Variants in TLNRD1 observed in about 807,000 individuals in gnomAD.
TLNRD1 encodes talin rod domain-containing protein 1.
Under a neutral mutation model 19.5 loss-of-function variants are expected in TLNRD1, and 14 were observed. The observed-to-expected ratio is 0.72, with a 90% CI of 0.47 to 1.12. The LOEUF is 1.12. TLNRD1 is among the 50% of genes most tolerant of loss of function. The pLI is 0.00. For synonymous variants in TLNRD1, 345 were observed against 261.7 expected, an observed-to-expected ratio of 1.32 and a Z score of -3.07; for missense variants, 569 against 531.9, an observed-to-expected ratio of 1.07 and a Z score of -0.69.
rs562779016 is a variant in TLNRD1 at position 81,004,320 on chromosome 15, C to G, written c.*960C>G. The G allele has an allele frequency of 6.0e-6, 1 of 167,104 alleles. No homozygotes were observed. Among genetic ancestry groups the G allele is most frequent in the African/African-American group, 2.4e-5 (1 of 41,450 alleles). The allele number at this position is 167,104 out of a possible 1,614,324, so 10.4% of individuals were successfully genotyped here. A position where few individuals can be genotyped will look rare whatever the true frequency, so the allele number is the denominator to read the frequency against. On this transcript the variant is annotated 3_prime_UTR_variant, in exon 1 of 1. Coordinates refer to ENST00000267984, the MANE Select transcript of TLNRD1 (RefSeq NM_022566.3). ...AAAGTGATTTAGCTCCCTTTGTCTC[C>G]ACTTACCTTTCCATCATCATGAACA...
At position 81,002,970 on chromosome 15, in the gene TLNRD1, C is replaced by T. The variant is rs766996418; in HGVS notation, c.699C>T (p.Arg233=). 2 of 1,583,910 alleles carry T rather than the reference C, an allele frequency of 1.3e-6. No individual in the cohort carries two copies. Among genetic ancestry groups the T allele is most frequent in the South Asian group, 1.1e-5 (1 of 89,330 alleles). Residue 233 remains arginine, a synonymous_variant, in exon 1 of 1, where the codon CGC becomes CGT. Transcript: ENST00000267984. ...TSASALLACV[R]EVKVAPSELA... The stretch of plus-strand genomic sequence containing the variant: ...CGTCGGCGCTGCTGGCCTGCGTGCG[C>T]GAGGTGAAGGTGGCGCCCAGTGAGC...
chr15:81,003,114 CA>C lies in TLNRD1; in HGVS notation c.845del (p.Lys282ArgfsTer12). The C allele has an allele frequency of 6.4e-7, 1 of 1,559,416 alleles. No homozygotes were observed. ...GRAAAVSAEG[K>X]AVQTAILGGA... ...GCGCGGCAGCTGTGAGCGCCGAGGG[CA>C]AGGCGGTGCAGACCGCCATCCTGGG... On this transcript the variant is annotated frameshift_variant, in exon 1 of 1. Transcript: ENST00000267984. LOFTEE classifies it high-confidence loss of function.
In TLNRD1 at chr15:81,003,049, G is replaced by A. The variant is rs773774702; in HGVS notation, c.778G>A (p.Ala260Thr). The A allele has an allele frequency of 5.2e-6, 8 of 1,547,152 alleles. No homozygotes were observed. Among genetic ancestry groups the A allele is most frequent in the Non-Finnish European group, 6.1e-6 (7 of 1,152,596 alleles). ...CGGGCCCCTGGTGCAGGCAGTGAGC[G>A]CCCTGGTAGGCTTCGCCACCGAGCC... The part of the protein sequence containing the change: ...FSGPLVQAVS[A>T]LVGFATEPQF... Residue 260 changes from alanine to threonine, a missense_variant, in exon 1 of 1, where the codon GCC (alanine) becomes ACC (threonine). Ala to Thr is a moderately conservative substitution (Grantham distance 58). Transcript: ENST00000267984.
chr15:81,003,612 T>C lies in TLNRD1; in HGVS notation c.*252T>C, dbSNP rs904325633. On this transcript the variant is annotated 3_prime_UTR_variant, in exon 1 of 1. Transcript: ENST00000267984. The stretch of plus-strand genomic sequence containing the variant: ...GATATGTCATCTGCTGGTTGTGTTA[T>C]CACTCCCACCCCCTACCCCAGCCCG... 14 of 431,772 alleles carry C rather than the reference T, an allele frequency of 3.2e-5. No homozygotes were observed. The highest frequency in any genetic ancestry group is 4.7e-5 in the Non-Finnish European group (11 of 236,410). The allele number at this position is 431,772 out of a possible 1,614,324, so 26.7% of individuals were successfully genotyped here. A position where few individuals can be genotyped will look rare whatever the true frequency, so the allele number is the denominator to read the frequency against.
In TLNRD1 at chr15:81,002,642, A is replaced by G; in HGVS notation, c.371A>G (p.Glu124Gly). The change falls in exon 1 of 1, where the codon GAG becomes GGG. Residue 124 changes from glutamate (E) to glycine (G), a missense_variant. Glu to Gly is a moderately conservative substitution (Grantham distance 98, BLOSUM62 -2). Transcript: ENST00000267984. ...ELGDLVVSLT[E>G]CSAHAAYLAA... ...GGCGACCTGGTGGTGTCGCTGACCG[A>G]GTGCTCGGCCCACGCGGCCTATCTG... is the stretch of plus-strand genomic sequence containing the variant. 6.7e-7 allele frequency: 1 copy of G among 1,486,906 alleles called. No homozygotes were observed. The highest frequency in any genetic ancestry group is 8.8e-7 in the Non-Finnish European group (1 of 1,130,246). 92.1% of individuals were successfully genotyped at this position (1,486,906 alleles called of 1,614,324 possible). A position where few individuals can be genotyped will look rare whatever the true frequency, so the allele number is the denominator to read the frequency against.
At position 81,002,418 on chromosome 15, in the gene TLNRD1, CCTG is replaced by C. The variant is rs770162172; in HGVS notation, c.157_159del (p.Leu53del). The C allele has an allele frequency of 9.0e-6, 14 of 1,555,222 alleles. No individual in the cohort carries two copies. Among genetic ancestry groups the C allele is most frequent in the Admixed American group, 3.6e-5 (2 of 55,656 alleles). ...AGGGCAAGATGCAGCTGGTGGCTGA[CCTG>C]CTGCTGCTGTCGAGCGAGGCGCGGC... On this transcript the variant is annotated inframe_deletion, in exon 1 of 1. Transcript: ENST00000267984.
At position 81,005,625 on chromosome 15, in the gene TLNRD1, C is replaced by T. The variant is rs1376334879; in HGVS notation, c.*2265C>T. 1.2e-5 allele frequency: 2 copies of T among 167,000 alleles called. No homozygotes were observed. The highest frequency in any genetic ancestry group is 6.5e-5 in the Admixed American group (1 of 15,284). The allele number at this position is 167,000 out of a possible 1,614,324, so 10.3% of individuals were successfully genotyped here. On this transcript the variant is annotated 3_prime_UTR_variant, in exon 1 of 1. Transcript: ENST00000267984. The stretch of plus-strand genomic sequence containing the variant: ...AAGCCAATTAAAAAAAAGAAAATCA[C>T]TTTCCCTATCTGTTTGGATGAAGTT...
In TLNRD1 at chr15:81,003,075, G is replaced by A. The variant is rs958499992; in HGVS notation, c.804G>A (p.Pro268=). 2 of 1,549,686 alleles carry A rather than the reference G, an allele frequency of 1.3e-6. No homozygotes were observed. The highest frequency in any genetic ancestry group is 1.7e-6 in the Non-Finnish European group (2 of 1,152,788). ...CCCTGGTAGGCTTCGCCACCGAGCC[G>A]CAGTTCCTGGGTCGCGCGGCAGCTG... ...VSALVGFATE[P]QFLGRAAAVS... is the part of the protein sequence containing the mutation. Residue 268 remains proline (P), a synonymous_variant, in exon 1 of 1, where the codon CCG becomes CCA. Transcript: ENST00000267984.
Position 81,005,534 on chromosome 15 carries a change from A to AG in TLNRD1, c.*2175dup, listed in dbSNP as rs1893479186. ...AATCTGTAAATTTGGTATTAGATTA[A>AG]GAAAAAAAGAATTGCCAGTTTTTTC... On this transcript the variant is annotated 3_prime_UTR_variant, in exon 1 of 1. Transcript: ENST00000267984. 1 of 167,102 alleles carries AG rather than the reference A, an allele frequency of 6.0e-6. No individual in the cohort carries two copies. Among genetic ancestry groups the AG allele is most frequent in the South Asian group, 2.1e-4 (1 of 4,834 alleles). The allele number at this position is 167,102 out of a possible 1,614,324, so 10.4% of individuals were successfully genotyped here.
Position 81,003,085 on chromosome 15 carries a change from G to A in TLNRD1, c.814G>A (p.Gly272Ser), listed in dbSNP as rs543954880. 2 of 1,551,628 alleles carry A rather than the reference G, an allele frequency of 1.3e-6. No individual in the cohort carries two copies. Among genetic ancestry groups the A allele is most frequent in the Non-Finnish European group, 8.7e-7 (1 of 1,153,178 alleles). ...VGFATEPQFL[G>S]RAAAVSAEGK... is the part of the protein sequence containing the mutation. ...CTTCGCCACCGAGCCGCAGTTCCTG[G>A]GTCGCGCGGCAGCTGTGAGCGCCGA... Residue 272 changes from glycine to serine, a missense_variant, in exon 1 of 1, where the codon GGT becomes AGT. Transcript: ENST00000267984.
chr15:81,004,809 G>C lies in TLNRD1; in HGVS notation c.*1449G>C, dbSNP rs1479386691. 2 of 167,042 alleles carry C rather than the reference G, an allele frequency of 1.2e-5. No individual in the cohort carries two copies. The highest frequency in any genetic ancestry group is 2.4e-5 in the African/African-American group (1 of 41,434). The allele number at this position is 167,042 out of a possible 1,614,324, so 10.3% of individuals were successfully genotyped here. On this transcript the variant is annotated 3_prime_UTR_variant, in exon 1 of 1. Coordinates refer to ENST00000267984, the MANE Select transcript of TLNRD1 (RefSeq NM_022566.3). The stretch of plus-strand genomic sequence containing the variant: ...GGAGTGTATAGTTTTGTTGAACCTA[G>C]TTAAATTCTGAATATCTTCCCACTA...
chr15:81,003,626 T>G lies in TLNRD1; in HGVS notation c.*266T>G. The G allele has an allele frequency of 6.4e-5, 23 of 359,248 alleles. No homozygotes were observed. The highest frequency in any genetic ancestry group is 1.2e-4 in the South Asian group (1 of 8,612). 22.3% of individuals were successfully genotyped at this position (359,248 alleles called of 1,614,324 possible). On this transcript the variant is annotated 3_prime_UTR_variant, in exon 1 of 1. Transcript: ENST00000267984. The stretch of plus-strand genomic sequence containing the variant: ...TGGTTGTGTTATCACTCCCACCCCC[T>G]ACCCCAGCCCGTCTTCCGGAATTTC...
At position 81,003,600 on chromosome 15, in the gene TLNRD1, C is replaced by T. The variant is rs1012869669; in HGVS notation, c.*240C>T. Reference sequence around the variant, plus strand: ...TAGGGACTGGAAGATATGTCATCTGCTGGTTGTGTTATCACTCCCACCCCC... The same window carrying T: ...TAGGGACTGGAAGATATGTCATCTGTTGGTTGTGTTATCACTCCCACCCCC... On this transcript the variant is annotated 3_prime_UTR_variant, in exon 1 of 1. Transcript: ENST00000267984. 3 of 449,996 alleles carry T rather than the reference C, an allele frequency of 6.7e-6. No individual in the cohort carries two copies. Among genetic ancestry groups the T allele is most frequent in the African/African-American group, 6.1e-5 (3 of 49,218 alleles). The allele number at this position is 449,996 out of a possible 1,614,324, so 27.9% of individuals were successfully genotyped here.
At position 81,002,855 on chromosome 15, in the gene TLNRD1, C is replaced by T. The variant is rs756726952; in HGVS notation, c.584C>T (p.Thr195Met). The T allele has an allele frequency of 1.9e-6, 3 of 1,595,592 alleles. 1 individual carries two copies. Among genetic ancestry groups the T allele is most frequent in the Non-Finnish European group, 2.5e-6 (3 of 1,178,176 alleles). ...CTGTCGCGCAACCTCAAGTTCCTGA[C>T]GGACGCGTGCGCCCTGGCCAGTGAC... ...QGLSRNLKFL[T>M]DACALASDKS... Residue 195 changes from threonine to methionine, a missense_variant, in exon 1 of 1, where the codon ACG (threonine) becomes ATG (methionine). Transcript: ENST00000267984.
rs1047223697 is a variant in TLNRD1, at chr15:81,001,384, G to T, written c.-888G>T. 7.3e-5 allele frequency: 11 copies of T among 151,008 alleles called. No individual in the cohort carries two copies. Among genetic ancestry groups the T allele is most frequent in the African/African-American group, 2.7e-4 (11 of 41,180 alleles). The allele number at this position is 151,008 out of a possible 1,614,324, so 9.4% of individuals were successfully genotyped here. ...GGCGCGCGGTCTGGGAGGGCGTGCC[G>T]CCGCGGCGCCGGGCCGCGCTCTGTG... On this transcript the variant is annotated 5_prime_UTR_variant, in exon 1 of 1. Transcript: ENST00000267984.
chr15:81,003,108 C>T lies in TLNRD1; in HGVS notation c.837C>T (p.Ala279=), dbSNP rs1335081851. 5.8e-6 allele frequency: 9 copies of T among 1,558,540 alleles called. No homozygotes were observed. The highest frequency in any genetic ancestry group is 1.2e-5 in the South Asian group (1 of 85,812). The change falls in exon 1 of 1, where the codon GCC becomes GCT. Residue 279 remains alanine, a synonymous_variant. Transcript: ENST00000267984. ...QFLGRAAAVS[A]EGKAVQTAIL... is the part of the protein sequence containing the mutation. ...TGGGTCGCGCGGCAGCTGTGAGCGC[C>T]GAGGGCAAGGCGGTGCAGACCGCCA...
rs1382152665 is a variant in TLNRD1 at position 81,003,296 on chromosome 15, A to T, written c.1025A>T (p.Gln342Leu). 3 of 1,608,600 alleles carry T rather than the reference A, an allele frequency of 1.9e-6. No homozygotes were observed. The change falls in exon 1 of 1, where the codon CAG becomes CTG. Residue 342 changes from glutamine (Q) to leucine (L), a missense_variant. By Grantham distance (113) the Gln-to-Leu change is moderately radical (BLOSUM62 -2). Transcript: ENST00000267984. ...TCTGAAGGCTGCACCCTGCTATCTCAGGCTTTAAGGGAGAGGTCTTCGCCC... is the reference window on the plus strand; with the variant it reads ...TCTGAAGGCTGCACCCTGCTATCTCTGGCTTTAAGGGAGAGGTCTTCGCCC... ...AVSEGCTLLS[Q>L]ALRERSSPRT...
rs1893407878 is a variant in TLNRD1, at chr15:81,001,510, A to G, written c.-762A>G. On this transcript the variant is annotated 5_prime_UTR_variant, in exon 1 of 1. Transcript: ENST00000267984. ...GCGATCCGGGCGGCCGCTGTGCGCA[A>G]TCAGTGCAGGCTCCCGCCCGACTCT... is the stretch of plus-strand genomic sequence containing the variant. 1.3e-5 allele frequency: 2 copies of G among 151,530 alleles called. No homozygotes were observed. Among genetic ancestry groups the G allele is most frequent in the African/African-American group, 4.8e-5 (2 of 41,362 alleles). The allele number at this position is 151,530 out of a possible 1,614,324, so 9.4% of individuals were successfully genotyped here.
At position 81,002,897 on chromosome 15, in the gene TLNRD1, T is replaced by A; in HGVS notation, c.626T>A (p.Phe209Tyr). The A allele has an allele frequency of 2.5e-6, 4 of 1,597,352 alleles. No homozygotes were observed. The highest frequency in any genetic ancestry group is 3.4e-6 in the Non-Finnish European group (4 of 1,178,860). Residue 209 changes from phenylalanine (F) to tyrosine (Y), a missense_variant, in exon 1 of 1, where the codon TTT (phenylalanine) becomes TAT (tyrosine). Coordinates refer to ENST00000267984, the MANE Select transcript of TLNRD1 (RefSeq NM_022566.3). The stretch of plus-strand genomic sequence containing the variant: ...GCCAGTGACAAGTCACGGGACCGCT[T>A]TTCGCGGGAGCAGTTCAAGCTGGGC... ...ALASDKSRDR[F>Y]SREQFKLGVK...
Sources: gnomAD v4.1 joint callset for allele counts on GRCh38, gnomAD v4.1.1 for gene constraint, MANE v1.5 for transcripts, NCBI Gene and HGNC (gene_info 2026-07-23, HGNC 2026-07-21) for gene names.